Variants in CCDC170 observed in about 807,000 individuals in gnomAD.
CCDC170 encodes the protein coiled-coil domain containing 170.
CCDC170 carries 69 observed loss-of-function variants against 72.6 expected under a neutral mutation model. The ratio of observed to expected loss-of-function variants is 0.95; its 90% CI spans 0.78 to 1.16. CCDC170 has a LOEUF of 1.16. Among genes scored for constraint, CCDC170 ranks in the 50% most tolerant of loss-of-function variants. The pLI, the probability that CCDC170 is intolerant of heterozygous loss-of-function variation, is 0.00. For synonymous variants in CCDC170, 300 were observed against 303.9 expected (o/e 0.99, Z 0.13); for missense variants, 852 against 832.5 (o/e 1.02, Z -0.29).
rs192918327 is a variant in CCDC170, at chr6:151,536,260, C to T, written c.58-58C>T. On this transcript the variant is annotated intron_variant, in intron 1 of 10. Transcript: ENST00000239374. ...TTTAATCTGGCTTTGTGCAGCTGCA[C>T]GGAAAAGATCGTTTAACACTCTTCT... is the stretch of plus-strand genomic sequence containing the variant. 592 of 1,591,126 alleles carry T rather than the reference C, an allele frequency of 3.7e-4. 1 individual carries two copies. Among genetic ancestry groups the T allele is most frequent in the Non-Finnish European group, 1.6e-4 (180 of 1,161,090 alleles).
intron 5 of CCDC170, among the ~76,000 whole-genome samples, chr6:151,572,649 G>GTTTTGTTTTTTTTTTTT (rs1776235034): frequency 2.6e-5 from 1 of 37,988 alleles, no homozygotes; most frequent in African/African-American, 1.2e-4. Context: ...CCTTCTCTGT[G>GTTTTGTTTTTTTTTTTT]TTTTTTTTTT....
chr6:151,526,579 G>A (rs769628722), intron 1 of CCDC170, among the ~76,000 whole-genome samples: 11 of 148,372 alleles, frequency 7.4e-5, no homozygotes, highest in South Asian at 2.1e-4. Flanking sequence ...GCAGTGGTGC[G>A]ATCTTGTCTC....
chr6:151,515,399 C>T (rs1164263266), intron 1 of CCDC170, among the ~76,000 whole-genome samples: 2 of 152,248 alleles, frequency 1.3e-5, no homozygotes, highest in African/African-American at 4.8e-5. Context: ...TCTCCTGCCT[C>T]AGCCTCCCAA....
intron 5 of CCDC170, among the ~76,000 whole-genome samples, chr6:151,572,649 G>GTT (rs1213267537): frequency 4.7e-4 from 18 of 37,976 alleles, no homozygotes; most frequent in African/African-American, 1.8e-3. Flanking sequence ...CCTTCTCTGT[G>GTT]TTTTTTTTTT....
chr6:151,606,539 G>C (rs1203707854), intron 9 of CCDC170, among the ~76,000 whole-genome samples: 1 of 152,154 alleles, frequency 6.6e-6, no homozygotes, highest in East Asian at 1.9e-4. Context: ...TGTGTCTAAC[G>C]TATGGTTTAT....
chr6:151,609,051 C>T (rs180937452), intron 9 of CCDC170, among the ~76,000 whole-genome samples: 1 of 152,258 alleles, frequency 6.6e-6, no homozygotes, highest in Admixed American at 6.5e-5. Context: ...GCTTTCCTTT[C>T]TATGCTGCCT....
chr6:151,525,019 G>A (rs550612379), intron 1 of CCDC170, among the ~76,000 whole-genome samples: 46 of 136,912 alleles, frequency 3.4e-4, no homozygotes, highest in Admixed American at 1.0e-3. Flanking sequence ...TGCAAACTCC[G>A]CCTCCCAGGT....
chr6:151,509,951 C>T (rs1187781038), intron 1 of CCDC170, among the ~76,000 whole-genome samples: 3 of 152,008 alleles, frequency 2.0e-5, no homozygotes, highest in East Asian at 1.9e-4. Context: ...AGTGAAACTC[C>T]GTCTCCACTA....
chr6:151,548,373 G>T lies in CCDC170; in HGVS notation c.658G>T (p.Val220Phe), dbSNP rs1782811129. The T allele has an allele frequency of 6.2e-7, 1 of 1,612,876 alleles. No homozygotes were observed. The highest frequency in any genetic ancestry group is 8.5e-7 in the Non-Finnish European group (1 of 1,179,302). ...QIVILEETIN[V>F]HEMEAKASRE... ...TGTTATTCTTGAAGAGACTATAAAT[G>T]TCCATGAGATGGAAGCAAAAGCTAG... The change falls in exon 5 of 11, where the codon GTC becomes TTC. Residue 220 changes from valine to phenylalanine, a missense_variant. Physicochemically the swap from Val to Phe is conservative, Grantham distance 50. Transcript: ENST00000239374.
chr6:151,548,711 T>G (rs1007587363), intron 5 of CCDC170, among the ~76,000 whole-genome samples: 1 of 120,482 alleles, frequency 8.3e-6, no homozygotes, highest in African/African-American at 2.6e-5. Context: ...TTTTTTAATT[T>G]AAATTTTAAT....
At chr6:151,605,137 T>C (rs1470577613) in intron 9 of CCDC170, among the ~76,000 whole-genome samples, 1 of 152,182 alleles carries the variant, frequency 6.6e-6, no homozygotes, top group East Asian at 1.9e-4. Context: ...TGAGTGAGAA[T>C]ATGTGGTATT....
intron 5 of CCDC170, among the ~76,000 whole-genome samples, chr6:151,569,602 C>A (rs1776190096): frequency 6.6e-6 from 1 of 152,160 alleles, no homozygotes; most frequent in Non-Finnish European, 1.5e-5. Context: ...GACAGCAATC[C>A]CCAGGTCCTG....
intron 1 of CCDC170, among the ~76,000 whole-genome samples, chr6:151,525,621 C>T (rs1402400534): frequency 6.6e-6 from 1 of 152,218 alleles, no homozygotes. Context: ...TACCACCTAT[C>T]CCAAACCTTT....
At chr6:151,564,403 G>A (rs538279109) in intron 5 of CCDC170, among the ~76,000 whole-genome samples, 18 of 152,192 alleles carry the variant, frequency 1.2e-4, no homozygotes, top group African/African-American at 3.6e-4. Flanking sequence ...ACAGCAGTGG[G>A]CCAAGAGTGC....
rs140540805 is a variant in CCDC170, at chr6:151,542,995, A to G, written c.444-1577A>G. 7.2e-3 allele frequency among the ~76,000 whole-genome samples: 1,102 copies of G among 152,332 alleles called. 13 individuals carry two copies. Among genetic ancestry groups the G allele is most frequent in the African/African-American group, 0.025 (1,042 of 41,580 alleles). On this transcript the variant is annotated intron_variant, in intron 3 of 10. Transcript: ENST00000239374. The stretch of plus-strand genomic sequence containing the variant: ...ATATGCTTTGAGTATCTGCAATTAC[A>G]TGCTTTGTTAATCTTTGAATAGCGT...
At chr6:151,616,683 A>G (rs994243339) in intron 10 of CCDC170, among the ~76,000 whole-genome samples, 3 of 152,120 alleles carry the variant, frequency 2.0e-5, no homozygotes, top group African/African-American at 7.2e-5. Context: ...AGTACCATCT[A>G]CTGGGTGGCT....
At chr6:151,580,803 A>T (rs1473460427) in intron 6 of CCDC170, among the ~76,000 whole-genome samples, 2 of 152,210 alleles carry the variant, frequency 1.3e-5, no homozygotes, top group Admixed American at 6.5e-5. Flanking sequence ...GCATTGCAAC[A>T]TTCTTAATTG....
intron 9 of CCDC170, among the ~76,000 whole-genome samples, chr6:151,607,133 G>A (rs1014766163): frequency 6.6e-6 from 1 of 152,052 alleles, no homozygotes; most frequent in African/African-American, 2.4e-5. Flanking sequence ...TTGCCATTTT[G>A]TTGTTTGTTT....
intron 1 of CCDC170, among the ~76,000 whole-genome samples, chr6:151,510,109 C>T (rs545102032): frequency 1.8e-4 from 27 of 152,132 alleles, no homozygotes; most frequent in African/African-American, 4.8e-4. Flanking sequence ...AAAGAGACTC[C>T]GTCTCAAAAA....
Sources: allele counts gnomAD v4.1 joint callset (sites outside exome capture counted in the v4.1 genomes callset), GRCh38; gene constraint gnomAD v4.1.1; transcripts MANE v1.5; gene names NCBI Gene and HGNC (gene_info 2026-07-23, HGNC 2026-07-21).